SNX24: variants seen among roughly 807,000 people sequenced by gnomAD.
The protein encoded by SNX24 is sorting nexin 24.
Under a neutral mutation model 28.7 loss-of-function variants are expected in SNX24, and 22 were observed. The ratio of observed to expected loss-of-function variants is 0.77; its 90% CI spans 0.55 to 1.10. The LOEUF (loss-of-function observed/expected upper bound fraction) is 1.10. Ranked by LOEUF, SNX24 falls within the 50% of genes least tolerant of loss-of-function variation. The probability of loss-of-function intolerance (pLI) is 0.00; values close to 1 mark genes in which losing one functional copy is unlikely to be tolerated. For missense variants in SNX24, 221 were observed against 201.1 expected (o/e 1.10, Z -0.60); for synonymous variants, 69 against 71.5 (o/e 0.96, Z 0.18).
intron 6 of SNX24, among the ~76,000 whole-genome samples, chr5:123,006,131 G>A (rs898044875): frequency 1.3e-5 from 2 of 152,208 alleles, no homozygotes; most frequent in African/African-American, 4.8e-5. Context: ...CCAGGAAACA[G>A]AGGCCTCTCA....
chr5:122,912,269 T>G (rs928472986), intron 1 of SNX24, among the ~76,000 whole-genome samples: 2 of 138,954 alleles, frequency 1.4e-5, no homozygotes, highest in Non-Finnish European at 3.1e-5. Context: ...TGGCTCTCTG[T>G]TTGTCTGTTA....
intron 1 of SNX24, among the ~76,000 whole-genome samples, chr5:122,889,745 A>G (rs76927192): frequency 7.0e-6 from 1 of 143,730 alleles, no homozygotes; most frequent in African/African-American, 2.7e-5. Context: ...ATATATGTGT[A>G]TATATATACA....
Position 122,938,678 on chromosome 5 carries a change from CGCCTGT to C in SNX24, c.144+1862_144+1867del. ...AATGAAGGCCGGGCGCGGTGGCTCA[CGCCTGT>C]AATCCCAGCACTTTGGGAGGCCGAG... On this transcript the variant is annotated intron_variant, in intron 2 of 6. Transcript: ENST00000261369. 3.0e-4 allele frequency among the ~76,000 whole-genome samples: 3 copies of C among 9,890 alleles called. 1 individual carries two copies. The highest frequency in any genetic ancestry group is 2.0e-3 in the African/African-American group (1 of 500). 6.5% of individuals were successfully genotyped at this position (9,890 alleles called of 152,430 possible). A position where few individuals can be genotyped will look rare whatever the true frequency, so the allele number is the denominator to read the frequency against.
chr5:122,890,927 C>A lies in SNX24; in HGVS notation c.60+45234C>A, dbSNP rs955770117. 7.8e-6 allele frequency: 9 copies of A among 1,149,212 alleles called. No homozygotes were observed. In the East Asian group the frequency reaches 1.9e-4, roughly 24 times the overall value. 71.2% of individuals were successfully genotyped at this position (1,149,212 alleles called of 1,614,324 possible). On this transcript the variant is annotated intron_variant, in intron 1 of 6. Coordinates refer to ENST00000261369, the MANE Select transcript of SNX24 (RefSeq NM_014035.4). ...AGGAATTGTTAATTAAAATTTTTATCCCTTCAAGATTTTTCTGCAAGGATT... is the reference window on the plus strand; with the variant it reads ...AGGAATTGTTAATTAAAATTTTTATACCTTCAAGATTTTTCTGCAAGGATT...
At chr5:122,939,622 A>G (rs892502060) in intron 2 of SNX24, among the ~76,000 whole-genome samples, 1 of 152,206 alleles carries the variant, frequency 6.6e-6, no homozygotes, top group Admixed American at 6.5e-5. Context: ...TTCTTGAGCT[A>G]TGATGAGTAT....
intron 1 of SNX24, among the ~76,000 whole-genome samples, chr5:122,922,698 T>C (rs988594042): frequency 1.3e-5 from 2 of 152,200 alleles, no homozygotes; most frequent in Non-Finnish European, 2.9e-5. Context: ...AATTACAATT[T>C]TTCCCCCAGT....
intron 3 of SNX24, among the ~76,000 whole-genome samples, chr5:122,977,593 C>T (rs56024605): frequency 1.3e-5 from 2 of 152,268 alleles, no homozygotes; most frequent in Non-Finnish European, 2.9e-5. Context: ...CTGTGGCTAA[C>T]GGTGCATGCA....
intron 1 of SNX24, among the ~76,000 whole-genome samples, chr5:122,910,248 C>T (rs34615178): frequency 0.026 from 3,989 of 152,260 alleles, 68 homozygotes; most frequent in Non-Finnish European, 0.037. Context: ...GAGACCTCAG[C>T]TCTCCAAGGC....
intron 1 of SNX24, among the ~76,000 whole-genome samples, chr5:122,908,143 A>C (rs954486974): frequency 2.0e-5 from 3 of 152,252 alleles, no homozygotes; most frequent in Admixed American, 6.5e-5. Flanking sequence ...GTTGTATTCC[A>C]TTAAGCTCTT....
chr5:122,932,697 A>G (rs889086296), intron 1 of SNX24, among the ~76,000 whole-genome samples: 6 of 151,976 alleles, frequency 3.9e-5, no homozygotes, highest in African/African-American at 1.4e-4. Flanking sequence ...TCTCTACTAA[A>G]AATACAAAAA....
intron 6 of SNX24, among the ~76,000 whole-genome samples, chr5:123,002,448 C>T (rs1181126734): frequency 6.6e-6 from 1 of 152,038 alleles, no homozygotes; most frequent in Non-Finnish European, 1.5e-5. Context: ...CTGGCTAACA[C>T]GGTGAAACCC....
chr5:122,855,060 A>G (rs775248494), intron 1 of SNX24, among the ~76,000 whole-genome samples: 8 of 151,130 alleles, frequency 5.3e-5, no homozygotes, highest in East Asian at 3.9e-4. Context: ...TGGCTGTGCC[A>G]ATTTCTTTTC....
At chr5:123,016,586 A>G (rs1447916404) in intron 5 of SNX24, among the ~76,000 whole-genome samples, 3 of 152,216 alleles carry the variant, frequency 2.0e-5, no homozygotes, top group Admixed American at 2.0e-4. Context: ...TTTGAAGCAG[A>G]GAGACTTAGG....
At chr5:122,966,950 T>C in intron 3 of SNX24, among the ~76,000 whole-genome samples, 1 of 152,220 alleles carries the variant, frequency 6.6e-6, no homozygotes, top group Non-Finnish European at 1.5e-5. Context: ...TCAAGGAGTC[T>C]GGAGGTTAAT....
At chr5:122,927,095 AT>A (rs1758732937) in intron 1 of SNX24, among the ~76,000 whole-genome samples, 1 of 152,232 alleles carries the variant, frequency 6.6e-6, no homozygotes, top group African/African-American at 2.4e-5. Flanking sequence ...TGTTTTAATG[AT>A]TTGCATGGAT....
At chr5:122,852,822 C>T (rs186325216) in intron 1 of SNX24, among the ~76,000 whole-genome samples, 3 of 152,234 alleles carry the variant, frequency 2.0e-5, no homozygotes, top group Admixed American at 1.3e-4. Context: ...GGTAGGTTAA[C>T]CAGATGGAGT....
chr5:122,897,051 TAAATC>T (rs1277753600), intron 1 of SNX24, among the ~76,000 whole-genome samples: 6 of 152,260 alleles, frequency 3.9e-5, no homozygotes, highest in African/African-American at 1.4e-4. Context: ...TTTCTAGTAT[TAAATC>T]AATATAGTGT....
chr5:123,015,261 A>G (rs1762660086), intron 5 of SNX24, among the ~76,000 whole-genome samples: 1 of 152,204 alleles, frequency 6.6e-6, no homozygotes, highest in Non-Finnish European at 1.5e-5. Flanking sequence ...TGCTGGCTGC[A>G]TATTCCATAG....
chr5:122,971,652 TA>T (rs1760962865), intron 3 of SNX24, among the ~76,000 whole-genome samples: 1 of 152,224 alleles, frequency 6.6e-6, no homozygotes, highest in Non-Finnish European at 1.5e-5. Flanking sequence ...CCATTTATCT[TA>T]TATCACATGA....
Sources: allele counts gnomAD v4.1 joint callset (sites outside exome capture counted in the v4.1 genomes callset), GRCh38; gene constraint gnomAD v4.1.1; transcripts MANE v1.5; gene names NCBI Gene and HGNC (gene_info 2026-07-23, HGNC 2026-07-21).